Variants in SAG observed in about 807,000 individuals in gnomAD.
SAG encodes the protein S-arrestin.
SAG carries 45 observed loss-of-function variants against 55.0 expected under a neutral mutation model. The observed-to-expected ratio is 0.82, with a 90% CI of 0.64 to 1.05. The LOEUF (loss-of-function observed/expected upper bound fraction) is 1.05, where lower values mean the gene tolerates loss of function less well. Among genes scored for constraint, SAG ranks in the 50% least tolerant of loss-of-function variants. The pLI is 0.00. For missense variants in SAG, 455 were observed against 512.1 expected (o/e 0.89, Z 1.08); for synonymous variants, 189 against 197.4 (o/e 0.96, Z 0.36).
intron 14 of SAG, chr2:233,342,655 A>T: frequency 3.9e-6 from 1 of 255,336 alleles, no homozygotes; most frequent in Non-Finnish European, 7.4e-6. Flanking sequence ...ATTAAAGATG[A>T]TTTAGGTAAA....
intron 6 of SAG, among the ~76,000 whole-genome samples, chr2:233,325,057 C>T (rs1700506209): frequency 6.6e-6 from 1 of 152,072 alleles, no homozygotes; most frequent in African/African-American, 2.4e-5. Flanking sequence ...AAAACCCCGT[C>T]TCTACTAAAA....
At chr2:233,346,665 C>A in intron 15 of SAG, 142 bp from the exon 16 acceptor site, 1 of 754,510 alleles carries the variant, frequency 1.3e-6, no homozygotes, top group Non-Finnish European at 2.3e-6. Flanking sequence ...TAAACGAAGC[C>A]TTGAGGAAAA....
intron 14 of SAG, chr2:233,343,738 A>G: frequency 8.5e-7 from 1 of 1,178,268 alleles, no homozygotes; most frequent in African/African-American, 1.6e-5. Flanking sequence ...ATCTGTCTAA[A>G]TGAGAACTCT....
At chr2:233,329,815 T>C (rs1311127831) in intron 9 of SAG, among the ~76,000 whole-genome samples, 1 of 152,236 alleles carries the variant, frequency 6.6e-6, no homozygotes, top group Middle Eastern at 3.2e-3. Flanking sequence ...TGGCAAGTGA[T>C]CTCTTTCCAT....
At chr2:233,331,947 T>C (rs1700780242) in intron 10 of SAG, 1 of 549,636 alleles carries the variant, frequency 1.8e-6, no homozygotes. Flanking sequence ...AGCCAAAGAA[T>C]GACGCAGAGG....
At chr2:233,331,800 A>G in intron 10 of SAG, 88 bp downstream of exon 10, 1 of 933,264 alleles carries the variant, frequency 1.1e-6, no homozygotes, top group Non-Finnish European at 1.7e-6. Flanking sequence ...AAGGAACTAG[A>G]ATGTTCAGCT....
intron 10 of SAG, chr2:233,333,303 T>G (rs1241079612): frequency 6.6e-6 from 1 of 152,252 alleles, no homozygotes; most frequent in South Asian, 2.1e-4. Context: ...TCACCTTTCC[T>G]CATGTGCTCA....
chr2:233,343,801 G>A, intron 14 of SAG: 2 of 1,005,206 alleles, frequency 2.0e-6, no homozygotes, highest in Non-Finnish European at 2.4e-6. Flanking sequence ...TAAACAAGCA[G>A]GGTTTATTTT....
At position 233,310,863 on chromosome 2, in the gene SAG, C is replaced by T. The variant is rs192407546; in HGVS notation, c.75+1599C>T. On this transcript the variant is annotated intron_variant, in intron 2 of 15. Coordinates refer to ENST00000409110, the MANE Select transcript of SAG (RefSeq NM_000541.5). ...GTCCAAAGAACCTCCCCATCCTTAC[C>T]GTGCCACCCAGGAGATCCGGCTTTG... Among the ~76,000 whole-genome samples the T allele has an allele frequency of 2.4e-4, 36 of 152,196 alleles. 1 individual carries two copies. The highest frequency in any genetic ancestry group is 1.9e-3 in the South Asian group (9 of 4,824).
At position 233,340,879 on chromosome 2, in the gene SAG, T is replaced by TCTCGGCTCACCGTGAC. The variant is rs1482033380; in HGVS notation, c.1046+405_1046+420dup. On this transcript the variant is annotated intron_variant, in intron 13 of 15. Transcript: ENST00000409110. The surrounding 1 kb of genome is among the most constrained non-coding windows in gnomAD (Gnocchi z 4.2). Reference sequence around the variant, plus strand: ...CCCAGCCTGGAGTGCAGTGACGTGATCTCGGCTCACCGTGACCTCCACTTC... The same window carrying TCTCGGCTCACCGTGAC: ...CCCAGCCTGGAGTGCAGTGACGTGATCTCGGCTCACCGTGACCTCGGCTCACCGTGACCTCCACTTC... Among the ~76,000 whole-genome samples the TCTCGGCTCACCGTGAC allele has an allele frequency of 6.6e-6, 1 of 151,892 alleles. No homozygotes were observed. Among genetic ancestry groups the TCTCGGCTCACCGTGAC allele is most frequent in the Non-Finnish European group, 1.5e-5 (1 of 67,962 alleles).
At position 233,342,301 on chromosome 2, in the gene SAG, C is replaced by T. The variant is rs1285770977; in HGVS notation, c.1077C>T (p.Leu359=). 6.2e-7 allele frequency: 1 copy of T among 1,608,942 alleles called. No individual in the cohort carries two copies. The highest frequency in any genetic ancestry group is 1.1e-5 in the South Asian group (1 of 89,982). The change falls in exon 14 of 16, where the codon CTC becomes CTT. Residue 359 remains leucine (L), a synonymous_variant. Transcript: ENST00000409110. ...SEVATEVPFR[L]MHPQPEDPAK... ...TCGCCACTGAGGTCCCATTCCGCCT[C>T]ATGCACCCTCAGCCTGAGGACCCAG...
chr2:233,336,877 C>A (rs1453154547), intron 11 of SAG, among the ~76,000 whole-genome samples: 1 of 152,154 alleles, frequency 6.6e-6, no homozygotes, highest in Non-Finnish European at 1.5e-5. Context: ...GGGCGAATCG[C>A]TTGAGCCCAG....
At chr2:233,321,706 T>C (rs1348436803) in intron 5 of SAG, among the ~76,000 whole-genome samples, 1 of 152,124 alleles carries the variant, frequency 6.6e-6, no homozygotes, top group Non-Finnish European at 1.5e-5. Flanking sequence ...CAGAATGGTG[T>C]GAATGTACTT....
chr2:233,335,964 T>C (rs1279396092), intron 11 of SAG, among the ~76,000 whole-genome samples: 1 of 152,192 alleles, frequency 6.6e-6, no homozygotes, highest in Non-Finnish European at 1.5e-5. Flanking sequence ...GCTCAGTAGC[T>C]CACACTCTCT....
intron 11 of SAG, 37 bp from the exon 12 acceptor site, chr2:233,338,639 C>A: frequency 3.2e-6 from 5 of 1,578,112 alleles, no homozygotes; most frequent in Non-Finnish European, 3.5e-6. Flanking sequence ...CCCTCCTCTG[C>A]TCTCCATCAT....
intron 2 of SAG, among the ~76,000 whole-genome samples, chr2:233,311,053 G>A (rs756115295): frequency 3.2e-4 from 48 of 152,052 alleles, no homozygotes; most frequent in Non-Finnish European, 5.0e-4. Flanking sequence ...GGTTTCCCAC[G>A]TTGTTTTCCC....
chr2:233,324,184 G>A (rs1403496419), intron 6 of SAG, among the ~76,000 whole-genome samples: 1 of 152,030 alleles, frequency 6.6e-6, no homozygotes, highest in Non-Finnish European at 1.5e-5. Context: ...ATCAACCCAG[G>A]AGTTCAAGAC....
intron 14 of SAG, chr2:233,345,388 T>C (rs1701221514): frequency 6.6e-6 from 1 of 152,142 alleles, no homozygotes. Flanking sequence ...AGGGTGCACA[T>C]GCTCACGGCA....
At chr2:233,316,601 G>A (rs531926794) in intron 3 of SAG, among the ~76,000 whole-genome samples, 1 of 152,262 alleles carries the variant, frequency 6.6e-6, no homozygotes, top group African/African-American at 2.4e-5. Context: ...ATGAGCCACT[G>A]TGTCCGGCTG....
Sources: allele counts gnomAD v4.1 joint callset (sites outside exome capture counted in the v4.1 genomes callset), GRCh38; gene constraint gnomAD v4.1.1; non-coding constraint Gnocchi (gnomAD v3.1); transcripts MANE v1.5; gene names NCBI Gene and HGNC (gene_info 2026-07-23, HGNC 2026-07-21).